The following PTPN13 variants were observed in gnomAD, a reference collection of about 807,000 sequenced individuals.
PTPN13 encodes protein tyrosine phosphatase non-receptor type 13, also known as tyrosine-protein phosphatase non-receptor type 13.
A neutral mutation model predicts 284.0 loss-of-function variants in PTPN13; 191 were observed. The ratio of observed to expected loss-of-function variants is 0.67; its 90% CI spans 0.60 to 0.76. The LOEUF (loss-of-function observed/expected upper bound fraction) is 0.76, where lower values mean the gene tolerates loss of function less well. PTPN13 is among the 30% of genes least tolerant of loss of function. PTPN13 has a pLI of 0.00. For missense variants in PTPN13, 2,797 were observed against 2,939.9 expected, an observed-to-expected ratio of 0.95 and a Z score of 1.12; for synonymous variants, 986 against 1,022.3, an observed-to-expected ratio of 0.96 and a Z score of 0.68.
chr4:86,674,756 A>G (rs1268372428), intron 3 of PTPN13, among the ~76,000 whole-genome samples: 1 of 152,156 alleles, frequency 6.6e-6, no homozygotes, highest in East Asian at 1.9e-4. Flanking sequence ...CGGAGTAGAT[A>G]TGGTCTTGGT....
At position 86,752,747 on chromosome 4, in the gene PTPN13, T is replaced by G. The variant is rs149946902; in HGVS notation, c.3167-262T>G. Reference sequence around the variant, plus strand: ...GAACAAATGAAAAACTCATTCCAGTTTCATCATTTCATATTTGATATATCA... The same window carrying G: ...GAACAAATGAAAAACTCATTCCAGTGTCATCATTTCATATTTGATATATCA... On this transcript the variant is annotated intron_variant, in intron 19 of 47. Transcript: ENST00000411767. Among the ~76,000 whole-genome samples, 620 of 152,276 alleles carry G rather than the reference T, an allele frequency of 4.1e-3. 3 individuals carry two copies. The highest frequency in any genetic ancestry group is 0.014 in the African/African-American group (590 of 41,574).
At chr4:86,680,349 CTA>C (rs1728744109) in intron 3 of PTPN13, among the ~76,000 whole-genome samples, 1 of 47,272 alleles carries the variant, frequency 2.1e-5, no homozygotes. Context: ...CTATCTATCT[CTA>C]TCTATCTATC....
At chr4:86,612,831 G>A (rs1210179148) in intron 1 of PTPN13, among the ~76,000 whole-genome samples, 1 of 152,182 alleles carries the variant, frequency 6.6e-6, no homozygotes, top group African/African-American at 2.4e-5. Context: ...TCTTTAAAGT[G>A]CTGAAACTGT....
chr4:86,616,049 G>T (rs139125146), intron 1 of PTPN13, among the ~76,000 whole-genome samples: 5 of 152,308 alleles, frequency 3.3e-5, no homozygotes, highest in African/African-American at 1.2e-4. Context: ...TTATGTGACT[G>T]TAAGACTGAG....
At chr4:86,790,810 T>G (rs549475471) in intron 40 of PTPN13, among the ~76,000 whole-genome samples, 3 of 152,198 alleles carry the variant, frequency 2.0e-5, no homozygotes, top group Non-Finnish European at 4.4e-5. Flanking sequence ...AGAAAATTTG[T>G]CCTGATAAAG....
intron 36 of PTPN13, among the ~76,000 whole-genome samples, chr4:86,781,376 T>A (rs1741284411): frequency 6.6e-6 from 1 of 152,226 alleles, no homozygotes; most frequent in Admixed American, 6.5e-5. Context: ...TAGCTGTAAG[T>A]GAAATATAAT....
At chr4:86,736,517 A>G (rs949817371) in intron 15 of PTPN13, among the ~76,000 whole-genome samples, 27 of 152,224 alleles carry the variant, frequency 1.8e-4, no homozygotes, top group Admixed American at 1.1e-3. Flanking sequence ...TCACAGACTT[A>G]CATTACCTTT....
rs918331386 is a variant in PTPN13 at position 86,728,815 on chromosome 4, T to C, written c.1609-3585T>C. ...TATCCAATTTGCCAGTTTGTGTCTT[T>C]TAATTGGGGCATTTAGCCCATTTAC... On this transcript the variant is annotated intron_variant, in intron 10 of 47. Transcript: ENST00000411767. Among the ~76,000 whole-genome samples, 10 of 148,066 alleles carry C rather than the reference T, an allele frequency of 6.8e-5. 1 individual carries two copies. The highest frequency in any genetic ancestry group is 1.5e-4 in the Non-Finnish European group (10 of 66,068).
intron 7 of PTPN13, among the ~76,000 whole-genome samples, chr4:86,703,372 T>A (rs1227367940): frequency 6.6e-6 from 1 of 152,046 alleles, no homozygotes; most frequent in Non-Finnish European, 1.5e-5. Flanking sequence ...AACATTAATT[T>A]AGTCTGACCT....
Position 86,769,786 on chromosome 4 carries a change from A to G in PTPN13, c.4507A>G (p.Lys1503Glu). Residue 1503 changes from lysine to glutamate, a missense_variant, in exon 29 of 48, where the codon AAA becomes GAA. Transcript: ENST00000411767. ...TTCTCCAGAAAATACATTTGAGGTA[A>G]AATTATTTAAAAATAGCTCAGGTCT... ...FVTEENTFEV[K>E]LFKNSSGLGF... 6.3e-7 allele frequency: 1 copy of G among 1,595,852 alleles called. No homozygotes were observed. The highest frequency in any genetic ancestry group is 8.5e-7 in the Non-Finnish European group (1 of 1,172,714).
intron 3 of PTPN13, among the ~76,000 whole-genome samples, chr4:86,681,194 T>G (rs1486065642): frequency 6.6e-6 from 1 of 152,230 alleles, no homozygotes; most frequent in Non-Finnish European, 1.5e-5. Context: ...AATAACCTTT[T>G]CTTGTCTCCT....
chr4:86,655,028 T>C (rs574006711), intron 2 of PTPN13, among the ~76,000 whole-genome samples: 6 of 152,292 alleles, frequency 3.9e-5, no homozygotes, highest in East Asian at 3.9e-4. Context: ...TCTTTGTTGG[T>C]TTAAAGTCTG....
chr4:86,605,934 T>C (rs768244254), intron 1 of PTPN13, among the ~76,000 whole-genome samples: 5 of 151,792 alleles, frequency 3.3e-5, no homozygotes, highest in Non-Finnish European at 7.4e-5. Flanking sequence ...AGTTGAACAG[T>C]GATGGCCTCA....
chr4:86,647,837 AG>A (rs2148791555), intron 2 of PTPN13, among the ~76,000 whole-genome samples: 2 of 152,254 alleles, frequency 1.3e-5, no homozygotes, highest in Non-Finnish European at 2.9e-5. Flanking sequence ...CTATAAGCCA[AG>A]AAGAGAGTAG....
intron 7 of PTPN13, among the ~76,000 whole-genome samples, chr4:86,713,281 A>G (rs1449977308): frequency 6.6e-6 from 1 of 152,130 alleles, no homozygotes; most frequent in Non-Finnish European, 1.5e-5. Flanking sequence ...AAAGTCCCTT[A>G]AAAATTTAGC....
intron 6 of PTPN13, among the ~76,000 whole-genome samples, chr4:86,696,030 T>C (rs1730556552): frequency 6.6e-6 from 1 of 152,026 alleles, no homozygotes; most frequent in Admixed American, 6.5e-5. Context: ...ATTTAGATTT[T>C]ATTACTTTCA....
At chr4:86,717,531 T>C (rs1375684737) in intron 9 of PTPN13, among the ~76,000 whole-genome samples, 1 of 152,116 alleles carries the variant, frequency 6.6e-6, no homozygotes. Flanking sequence ...ATTTTCCTTT[T>C]CTCTTCCTTT....
At chr4:86,791,978 A>C (rs1052385694) in intron 40 of PTPN13, among the ~76,000 whole-genome samples, 2 of 152,210 alleles carry the variant, frequency 1.3e-5, no homozygotes, top group Non-Finnish European at 2.9e-5. Flanking sequence ...CCTTGCCAGC[A>C]AGGGAACAAA....
In PTPN13 at chr4:86,784,516, ACTTAT is replaced by A; in HGVS notation, c.6078_6082del (p.Tyr2027AspfsTer19). The A allele has an allele frequency of 6.2e-7, 1 of 1,609,202 alleles. No homozygotes were observed. The highest frequency in any genetic ancestry group is 8.5e-7 in the Non-Finnish European group (1 of 1,178,304). ...ATCGTACCCCAAAGGAAAATGTTCT[ACTTAT>A]CAGATAAAGGGATCACCAAACTTGA... On this transcript the variant is annotated frameshift_variant, in exon 38 of 48. Transcript: ENST00000411767. LOFTEE classifies it high-confidence loss of function.
Sources: gnomAD v4.1 joint callset for allele counts (sites outside exome capture counted in the v4.1 genomes callset) on GRCh38, gnomAD v4.1.1 for gene constraint, MANE v1.5 for transcripts, NCBI Gene and HGNC (gene_info 2026-07-23, HGNC 2026-07-21) for gene names.